The following RPS6KC1 variants were observed in gnomAD, a reference collection of about 807,000 sequenced individuals.
RPS6KC1 encodes the protein ribosomal protein S6 kinase C1, also known as inactive ribosomal protein S6 kinase delta-1.
A neutral mutation model predicts 103.8 loss-of-function variants in RPS6KC1; 54 were observed. That is an observed-to-expected ratio of 0.52 (90% CI 0.42 to 0.65). The LOEUF is 0.65. RPS6KC1 is among the 30% of genes least tolerant of loss of function. The pLI, the probability that RPS6KC1 is intolerant of heterozygous loss-of-function variation, is 0.00. For synonymous variants in RPS6KC1, 439 were observed against 438.7 expected (o/e 1.00, Z -0.01); for missense variants, 1,151 against 1,253.8 (o/e 0.92, Z 1.24).
At chr1:213,639,887 T>C in the RPS6KC1 span, among the ~76,000 whole-genome samples, 985 of 151,694 alleles carry the variant, frequency 6.5e-3, 8 homozygotes, top group African/African-American at 0.022. Context: ...TTTTGTGGTT[T>C]GGTATTAGTA....
At chr1:213,719,153 C>T in the RPS6KC1 span, among the ~76,000 whole-genome samples, 1 of 152,230 alleles carries the variant, frequency 6.6e-6, no homozygotes, top group East Asian at 1.9e-4. Context: ...CATGAGTAAA[C>T]TGGCAGGAGC....
At chr1:213,850,528 C>G in the RPS6KC1 span, among the ~76,000 whole-genome samples, 1 of 152,226 alleles carries the variant, frequency 6.6e-6, no homozygotes, top group Admixed American at 6.5e-5. Context: ...CATCTACAGT[C>G]TGACATTGCT....
chr1:213,285,570 A>G, the RPS6KC1 span, among the ~76,000 whole-genome samples: 3 of 152,216 alleles, frequency 2.0e-5, no homozygotes, highest in Admixed American at 1.3e-4. Flanking sequence ...TGCTCTGACC[A>G]TGTAATAGAA....
At chr1:213,467,951 T>C in the RPS6KC1 span, among the ~76,000 whole-genome samples, 1 of 152,218 alleles carries the variant, frequency 6.6e-6, no homozygotes, top group African/African-American at 2.4e-5. Flanking sequence ...TTATACACCC[T>C]TGTAATGGCA....
the RPS6KC1 span, among the ~76,000 whole-genome samples, chr1:213,727,522 G>A: frequency 6.6e-6 from 1 of 152,182 alleles, no homozygotes; most frequent in Non-Finnish European, 1.5e-5. Flanking sequence ...ATAATAAGAA[G>A]TGCTTCTAGT....
the RPS6KC1 span, among the ~76,000 whole-genome samples, chr1:213,417,144 C>A: frequency 2.0e-5 from 3 of 152,188 alleles, no homozygotes; most frequent in African/African-American, 7.2e-5. Flanking sequence ...CCTCCACGGT[C>A]TTTCCTCCTC....
the RPS6KC1 span, among the ~76,000 whole-genome samples, chr1:213,487,066 C>T: frequency 6.6e-6 from 1 of 152,222 alleles, no homozygotes; most frequent in East Asian, 1.9e-4. Context: ...GATCCATCAC[C>T]ACTGCTTCCA....
chr1:213,071,436 C>T (rs1405608223), intron 2 of RPS6KC1, among the ~76,000 whole-genome samples: 1 of 152,120 alleles, frequency 6.6e-6, no homozygotes, highest in East Asian at 1.9e-4. Context: ...GCCTGTACAT[C>T]AGTCTTTATA....
At position 213,098,303 on chromosome 1, in the gene RPS6KC1, ATT is replaced by A. The variant is rs34192228; in HGVS notation, c.263-6133_263-6132del. ...AGGCATGTGCCACCATGCCCGGCTAATTTTTTTTTTTTTTTTTTTGTAGAGAC... is the reference window on the plus strand; with the variant it reads ...AGGCATGTGCCACCATGCCCGGCTAATTTTTTTTTTTTTTTTTGTAGAGAC... On this transcript the variant is annotated intron_variant, in intron 3 of 14. Coordinates refer to ENST00000366960, the MANE Select transcript of RPS6KC1 (RefSeq NM_012424.6). Among the ~76,000 whole-genome samples, 731 of 121,788 alleles carry A rather than the reference ATT, an allele frequency of 6.0e-3. 3 individuals are homozygous for A. Among genetic ancestry groups the A allele is most frequent in the African/African-American group, 0.017 (535 of 30,872 alleles). 79.9% of individuals were successfully genotyped at this position (121,788 alleles called of 152,430 possible). A position where few individuals can be genotyped will look rare whatever the true frequency, so the allele number is the denominator to read the frequency against.
the RPS6KC1 span, chr1:213,835,933 G>A: frequency 6.6e-6 from 1 of 152,032 alleles, no homozygotes; most frequent in East Asian, 1.9e-4. Context: ...GTGAAGTTTA[G>A]AAATGTTTTG....
intron 1 of RPS6KC1, among the ~76,000 whole-genome samples, chr1:213,056,503 T>C (rs73086326): frequency 0.036 from 5,538 of 152,306 alleles, 307 homozygotes; most frequent in African/African-American, 0.13. Flanking sequence ...GCAAAAGTGA[T>C]GGATACGTGA....
At position 213,225,998 on chromosome 1, in the gene RPS6KC1, C is replaced by T. The variant is rs961600331; in HGVS notation, c.1045-4499C>T. Among the ~76,000 whole-genome samples the T allele has an allele frequency of 9.9e-5, 15 of 151,246 alleles. No homozygotes were observed. The South Asian group carries it at 1.0e-3, about 11-fold the overall frequency. On this transcript the variant is annotated intron_variant, in intron 8 of 14. Coordinates refer to ENST00000366960, the MANE Select transcript of RPS6KC1 (RefSeq NM_012424.6). ...CAGCACTTTGGGATGCCGAGGCGGG[C>T]GGATCACGAGGTCGGGAGATTGAGA...
At chr1:213,774,700 C>A in the RPS6KC1 span, among the ~76,000 whole-genome samples, 2 of 152,280 alleles carry the variant, frequency 1.3e-5, no homozygotes, top group South Asian at 4.1e-4. Flanking sequence ...GCTCCCTTCC[C>A]TTTTATGCTT....
At chr1:213,220,591 C>T (rs1012608710) in intron 8 of RPS6KC1, among the ~76,000 whole-genome samples, 12 of 152,202 alleles carry the variant, frequency 7.9e-5, no homozygotes, top group African/African-American at 2.7e-4. Context: ...TCCCAAAGTG[C>T]TGGGATTGCA....
intron 8 of RPS6KC1, among the ~76,000 whole-genome samples, chr1:213,181,232 C>T (rs528435724): frequency 7.2e-5 from 11 of 152,286 alleles, no homozygotes; most frequent in Admixed American, 3.3e-4. Flanking sequence ...CAAGGAAGAT[C>T]GGTGAAGATC....
the RPS6KC1 span, among the ~76,000 whole-genome samples, chr1:213,518,415 A>G: frequency 6.6e-6 from 1 of 152,186 alleles, no homozygotes; most frequent in Non-Finnish European, 1.5e-5. Context: ...GGATGCAGAG[A>G]TTACAGTGAT....
chr1:213,108,825 T>G (rs1461798618), intron 4 of RPS6KC1, among the ~76,000 whole-genome samples: 2 of 151,998 alleles, frequency 1.3e-5, no homozygotes. Context: ...ATTTTTAAAT[T>G]TTTTTGTAGA....
the RPS6KC1 span, among the ~76,000 whole-genome samples, chr1:213,381,317 T>G: frequency 6.6e-6 from 1 of 152,110 alleles, no homozygotes; most frequent in Non-Finnish European, 1.5e-5. Flanking sequence ...GCTCCTTCTT[T>G]TCTTTGCTCC....
At chr1:213,130,616 C>T (rs2085497072) in intron 6 of RPS6KC1, among the ~76,000 whole-genome samples, 1 of 152,112 alleles carries the variant, frequency 6.6e-6, no homozygotes, top group Non-Finnish European at 1.5e-5. Flanking sequence ...TTCAGATTAC[C>T]AGTCTCCTGT....
Sources: allele counts gnomAD v4.1 joint callset (sites outside exome capture counted in the v4.1 genomes callset), GRCh38; gene constraint gnomAD v4.1.1; transcripts MANE v1.5; gene names NCBI Gene and HGNC (gene_info 2026-07-23, HGNC 2026-07-21).